The following TNRC18 variants were observed in gnomAD, a reference collection of about 807,000 sequenced individuals.
TNRC18 encodes trinucleotide repeat containing 18, also known as trinucleotide repeat-containing gene 18 protein.
TNRC18 carries 69 observed loss-of-function variants against 226.7 expected under a neutral mutation model. The ratio of observed to expected loss-of-function variants is 0.30; its 90% confidence interval spans 0.25 to 0.37. TNRC18 has a LOEUF of 0.37. Among genes scored for constraint, TNRC18 ranks in the 10% least tolerant of loss-of-function variants. TNRC18 has a pLI of 1.00. For synonymous variants in TNRC18, 2,449 were observed against 1,927.6 expected, an observed-to-expected ratio of 1.27 and a Z score of -7.09; for missense variants, 4,754 against 4,256.6, an observed-to-expected ratio of 1.12 and a Z score of -3.25.
intron 2 of TNRC18, among the ~76,000 whole-genome samples, chr7:5,419,674 G>C (rs1451565459): frequency 6.6e-6 from 1 of 151,914 alleles, no homozygotes; most frequent in Non-Finnish European, 1.5e-5. Context: ...ACACAAGCAG[G>C]TCCGGGGGCC....
intron 2 of TNRC18, among the ~76,000 whole-genome samples, chr7:5,417,539 C>G (rs1016050255): frequency 1.3e-5 from 2 of 152,192 alleles, no homozygotes; most frequent in Non-Finnish European, 2.9e-5. Flanking sequence ...CCTGAATCCC[C>G]GGAAGAACAT....
chr7:5,377,777 T>C lies in TNRC18; in HGVS notation c.2255+145A>G. 1 of 993,848 alleles carries C rather than the reference T, an allele frequency of 1.0e-6. No homozygotes were observed. Among genetic ancestry groups the C allele is most frequent in the Non-Finnish European group, 1.5e-6 (1 of 672,108 alleles). The allele number at this position is 993,848 out of a possible 1,614,324, so 61.6% of individuals were successfully genotyped here. ...CCTGGCCTGGGCAGGGCTGGCCCGATGCTGAGGACCAGAGTGACTCCCGCT... is the reference window on the plus strand; with the variant it reads ...CCTGGCCTGGGCAGGGCTGGCCCGACGCTGAGGACCAGAGTGACTCCCGCT... On this transcript the variant is annotated intron_variant, in intron 6 of 29. Coordinates refer to ENST00000430969, the MANE Select transcript of TNRC18 (RefSeq NM_001080495.3). This position sits in a 1 kb window ranked among gnomAD's most constrained non-coding sequence, Gnocchi z 5.8.
chr7:5,359,841 A>C (rs2128158817), intron 14 of TNRC18, among the ~76,000 whole-genome samples: 1 of 152,284 alleles, frequency 6.6e-6, no homozygotes, highest in South Asian at 2.1e-4. Flanking sequence ...ACACACACAC[A>C]CACATCTCTG....
At chr7:5,411,070 T>TGGTG (rs1262796147) in intron 2 of TNRC18, among the ~76,000 whole-genome samples, 5 of 150,474 alleles carry the variant, frequency 3.3e-5, no homozygotes, top group Admixed American at 2.6e-4. Context: ...TACCCGGGCA[T>TGGTG]GGTGGCACAT....
In TNRC18 at chr7:5,310,854, G is replaced by A. The variant is rs1282084029; in HGVS notation, c.8389-1486C>T. Among the ~76,000 whole-genome samples the A allele has an allele frequency of 6.6e-5, 10 of 152,218 alleles. No homozygotes were observed. In the East Asian group the frequency reaches 1.5e-3, roughly 23 times the overall value. ...TCTGAACCACCACTTCTCACACTGG[G>A]TCCTGCCATGTATATGTGCCTGTGT... is the stretch of plus-strand genomic sequence containing the variant. On this transcript the variant is annotated intron_variant, in intron 27 of 29. Coordinates refer to ENST00000430969, the MANE Select transcript of TNRC18 (RefSeq NM_001080495.3).
chr7:5,422,335 C>A (rs1019519395), intron 1 of TNRC18, among the ~76,000 whole-genome samples: 1 of 140,736 alleles, frequency 7.1e-6, no homozygotes, highest in Non-Finnish European at 1.6e-5. Context: ...AGCTTCCCCC[C>A]CCACAACCAC....
At chr7:5,405,653 G>A (rs1261419028) in intron 2 of TNRC18, among the ~76,000 whole-genome samples, 2 of 152,152 alleles carry the variant, frequency 1.3e-5, no homozygotes, top group Non-Finnish European at 2.9e-5. Context: ...TGAGACAGGA[G>A]AATCACGTGA....
In TNRC18 at chr7:5,324,273, C is replaced by T; in HGVS notation, c.6383G>A (p.Ser2128Asn). 1 of 1,613,232 alleles carries T rather than the reference C, an allele frequency of 6.2e-7. No individual in the cohort carries two copies. The highest frequency in any genetic ancestry group is 2.2e-5 in the East Asian group (1 of 44,886). The change falls in exon 21 of 30, where the codon AGC (serine) becomes AAC (asparagine). Residue 2128 changes from serine (S) to asparagine (N), a missense_variant. By Grantham distance (46) the Ser-to-Asn change is conservative. Transcript: ENST00000430969. The surrounding 1 kb of genome is among the most constrained non-coding windows in gnomAD (Gnocchi z 4.8). ...EEDFEPNQDS[S>N]FSEDEHLPRG... ...CGGCAGGTGCTCGTCCTCAGAGAAG[C>T]TCGAGTCTTGGTTGGGTTCAAAGTC...
At chr7:5,337,524 T>A (rs530632925) in intron 18 of TNRC18, among the ~76,000 whole-genome samples, 4 of 148,466 alleles carry the variant, frequency 2.7e-5, no homozygotes, top group Non-Finnish European at 5.9e-5. Flanking sequence ...CACCAGCAGC[T>A]CTACAAGGCA....
intron 1 of TNRC18, chr7:5,422,747 C>G (rs914482586): frequency 6.6e-6 from 1 of 152,268 alleles, no homozygotes; most frequent in Non-Finnish European, 1.5e-5. Flanking sequence ...CCTATTTTAA[C>G]CCGGTTTTGG....
At chr7:5,340,247 G>C (rs978164251) in intron 18 of TNRC18, among the ~76,000 whole-genome samples, 1 of 151,754 alleles carries the variant, frequency 6.6e-6, no homozygotes, top group African/African-American at 2.4e-5. Flanking sequence ...AGTGAAACAG[G>C]TTCATTGCTG....
Position 5,359,428 on chromosome 7 carries a change from T to C in TNRC18, c.4803A>G (p.Glu1601=). The stretch of plus-strand genomic sequence containing the variant: ...TGATGAAGTCCGACGAGGCCTCATG[T>C]TCATCCCAAGTCTGGTTCCTCCCCC... ...KARGRNQTWD[E]HEASSDFISQ... The change falls in exon 15 of 30, where the codon GAA becomes GAG. Residue 1601 remains glutamate (E), a synonymous_variant. Transcript: ENST00000430969. 6.2e-7 allele frequency: 1 copy of C among 1,614,038 alleles called. No homozygotes were observed. The highest frequency in any genetic ancestry group is 1.3e-5 in the African/African-American group (1 of 75,054).
intron 18 of TNRC18, among the ~76,000 whole-genome samples, chr7:5,344,028 G>C (rs1432260168): frequency 6.6e-6 from 1 of 152,208 alleles, no homozygotes. Context: ...GAAACAATCT[G>C]TATCAGCAAT....
intron 21 of TNRC18, among the ~76,000 whole-genome samples, chr7:5,323,005 C>T (rs1418937247): frequency 6.6e-6 from 1 of 152,200 alleles, no homozygotes; most frequent in Non-Finnish European, 1.5e-5. Context: ...GGATAAACAA[C>T]ACACGCAGAG....
At position 5,389,099 on chromosome 7, in the gene TNRC18, G is replaced by T; in HGVS notation, c.725C>A (p.Thr242Asn). The change falls in exon 5 of 30, where the codon ACC becomes AAC. Residue 242 changes from threonine (T) to asparagine (N), a missense_variant. Physicochemically the swap from Thr to Asn is moderately conservative, Grantham distance 65. Coordinates refer to ENST00000430969, the MANE Select transcript of TNRC18 (RefSeq NM_001080495.3). ...ASGPRGVVDL[T>N]QEARAEGRQD... ...GCGGCCCTCGGCGCGCGCCTCCTGG[G>T]TCAGGTCCACCACGCCCCGTGGCCC... 1 of 1,304,164 alleles carries T rather than the reference G, an allele frequency of 7.7e-7. No individual in the cohort carries two copies. 80.8% of individuals were successfully genotyped at this position (1,304,164 alleles called of 1,614,324 possible). A position where few individuals can be genotyped will look rare whatever the true frequency, so the allele number is the denominator to read the frequency against.
chr7:5,374,491 A>G lies in TNRC18; in HGVS notation c.2800-7T>C, dbSNP rs527727496. The G allele has an allele frequency of 6.5e-6, 10 of 1,541,860 alleles. No homozygotes were observed. In the African/African-American group the frequency reaches 1.4e-4, roughly 21 times the overall value. ...GCGCCTTCAACCGCTCCTGCTGGGA[A>G]GGGGCCGGCAGGCAGGGTCAGCACG... On this transcript the variant is annotated splice_polypyrimidine_tract_variant and splice_region_variant and intron_variant, in intron 9 of 29. Coordinates refer to ENST00000430969, the MANE Select transcript of TNRC18 (RefSeq NM_001080495.3).
intron 18 of TNRC18, among the ~76,000 whole-genome samples, chr7:5,334,829 G>C (rs1256597369): frequency 2.0e-5 from 3 of 152,146 alleles, no homozygotes; most frequent in African/African-American, 7.2e-5. Flanking sequence ...TCACGTGGAA[G>C]GCAGAGAGTG....
chr7:5,308,574 C>T (rs1181642801), intron 29 of TNRC18, among the ~76,000 whole-genome samples: 1 of 151,804 alleles, frequency 6.6e-6, no homozygotes, highest in South Asian at 2.1e-4. Context: ...CGAGAGAGAC[C>T]CAGAGAGACA....
At chr7:5,355,690 G>T (rs1792290813) in intron 16 of TNRC18, among the ~76,000 whole-genome samples, 1 of 152,082 alleles carries the variant, frequency 6.6e-6, no homozygotes, top group African/African-American at 2.4e-5. Context: ...ACCAGCCTGG[G>T]AAACACTGCA....
Sources: gnomAD v4.1 joint callset for allele counts (sites outside exome capture counted in the v4.1 genomes callset) on GRCh38, gnomAD v4.1.1 for gene constraint, Gnocchi (gnomAD v3.1) non-coding constraint, MANE v1.5 for transcripts, NCBI Gene and HGNC (gene_info 2026-07-23, HGNC 2026-07-21) for gene names.